The following FMN2 variants were observed in gnomAD, a reference collection of about 807,000 sequenced individuals.
FMN2 encodes formin-2.
A neutral mutation model predicts 142.3 loss-of-function variants in FMN2; 51 were observed. That is an observed-to-expected ratio of 0.36 (90% CI 0.29 to 0.45). FMN2 has a LOEUF of 0.45. Ranked by LOEUF, FMN2 falls within the 20% of genes least tolerant of loss-of-function variation. The pLI is 1.00. For synonymous variants in FMN2, 882 were observed against 869.8 expected (o/e 1.01, Z -0.25); for missense variants, 1,936 against 2,122.8 (o/e 0.91, Z 1.73).
chr1:240,201,246 C>T (rs1472076767), intron 4 of FMN2, among the ~76,000 whole-genome samples: 2 of 152,194 alleles, frequency 1.3e-5, no homozygotes, highest in Non-Finnish European at 2.9e-5. Context: ...TTATTATCCA[C>T]CATCCTTTAG....
intron 6 of FMN2, among the ~76,000 whole-genome samples, chr1:240,244,017 T>C (rs1385689809): frequency 2.6e-5 from 4 of 152,216 alleles, no homozygotes; most frequent in Non-Finnish European, 5.9e-5. Context: ...TCTAATGTCG[T>C]TTGAGAAACA....
In FMN2 at chr1:240,222,405, G is replaced by A. The variant is rs1439376583; in HGVS notation, c.4065+11170G>A. ...TTGGTTACTGTAGCCTTGTAGTAGA[G>A]TTTGAAGTCAGGTGGTGTGATGCTT... On this transcript the variant is annotated intron_variant, in intron 6 of 17. Coordinates refer to ENST00000319653, the MANE Select transcript of FMN2 (RefSeq NM_020066.5). Among the ~76,000 whole-genome samples the A allele has an allele frequency of 2.0e-5, 3 of 152,198 alleles. No individual in the cohort carries two copies. The East Asian group carries it at 5.8e-4, about 29-fold the overall frequency.
intron 4 of FMN2, among the ~76,000 whole-genome samples, chr1:240,193,752 A>C (rs1248295198): frequency 6.6e-6 from 1 of 152,214 alleles, no homozygotes; most frequent in Non-Finnish European, 1.5e-5. Flanking sequence ...GGATTACTGC[A>C]GTATTCTCCC....
At chr1:240,302,963 A>G (rs2102975565) in intron 8 of FMN2, among the ~76,000 whole-genome samples, 1 of 152,216 alleles carries the variant, frequency 6.6e-6, no homozygotes, top group African/African-American at 2.4e-5. Flanking sequence ...ATAGGGTTAT[A>G]TTACCATTAT....
chr1:240,455,311 C>T (rs1676202906), intron 16 of FMN2, among the ~76,000 whole-genome samples: 1 of 152,074 alleles, frequency 6.6e-6, no homozygotes, highest in East Asian at 1.9e-4. Context: ...CTAGGAGTTC[C>T]AGACCAGCCT....
intron 15 of FMN2, among the ~76,000 whole-genome samples, chr1:240,406,035 G>GGAGTGGGGGAAGCGAAGGGAATCAGCC (rs1674149395): frequency 4.4e-5 from 2 of 45,566 alleles, no homozygotes; most frequent in South Asian, 8.0e-4. Flanking sequence ...GGGAAGCAGC[G>GGAGTGGGGGAAGCGAAGGGAATCAGCC]TCAGGAGTCG....
At chr1:240,378,087 A>G (rs562815820) in intron 14 of FMN2, among the ~76,000 whole-genome samples, 122 of 151,268 alleles carry the variant, frequency 8.1e-4, no homozygotes, top group African/African-American at 2.9e-3. Flanking sequence ...TTTTATTATG[A>G]TGTGCATTGG....
At position 240,357,695 on chromosome 1, in the gene FMN2, C is replaced by T. The variant is rs921606663; in HGVS notation, c.4858+1787C>T. Among the ~76,000 whole-genome samples, 13 of 151,596 alleles carry T rather than the reference C, an allele frequency of 8.6e-5. No homozygotes were observed. In the South Asian group the frequency reaches 1.2e-3, roughly 15 times the overall value. On this transcript the variant is annotated intron_variant, in intron 14 of 17. Coordinates refer to ENST00000319653, the MANE Select transcript of FMN2 (RefSeq NM_020066.5). ...TGATCTCAGCTGGCTGCAACCTCCA[C>T]CTCCCAGGTTCAAGTGATTCTCCTG...
At chr1:240,413,370 G>A (rs1674479106) in intron 15 of FMN2, among the ~76,000 whole-genome samples, 1 of 151,864 alleles carries the variant, frequency 6.6e-6, no homozygotes, top group Non-Finnish European at 1.5e-5. Flanking sequence ...GTGGGTTAAA[G>A]GCTCATAGGA....
At chr1:240,202,272 G>A (rs1666154753) in intron 4 of FMN2, among the ~76,000 whole-genome samples, 1 of 152,132 alleles carries the variant, frequency 6.6e-6, no homozygotes, top group Non-Finnish European at 1.5e-5. Context: ...TGGGTATCAT[G>A]TGTAATGATG....
At chr1:240,307,698 CT>C (rs2102982472) in intron 8 of FMN2, among the ~76,000 whole-genome samples, 1 of 152,278 alleles carries the variant, frequency 6.6e-6, no homozygotes, top group South Asian at 2.1e-4. Context: ...GTTCTTTTTA[CT>C]TAGGATTGCC....
At chr1:240,325,469 G>A (rs931834597) in intron 8 of FMN2, among the ~76,000 whole-genome samples, 4 of 151,954 alleles carry the variant, frequency 2.6e-5, no homozygotes, top group Non-Finnish European at 5.9e-5. Flanking sequence ...AAATGCACAT[G>A]TGTATATATG....
At chr1:240,144,184 G>A in intron 2 of FMN2, 1 of 1,472,512 alleles carries the variant, frequency 6.8e-7, no homozygotes, top group South Asian at 1.1e-5. Context: ...TTCTTGTAAA[G>A]CCATTTGTTG....
At chr1:240,268,268 C>T (rs1448656387) in intron 7 of FMN2, among the ~76,000 whole-genome samples, 3 of 151,962 alleles carry the variant, frequency 2.0e-5, no homozygotes, top group African/African-American at 4.8e-5. Context: ...TTTATTTTTC[C>T]GTCAGTTTTC....
intron 2 of FMN2, among the ~76,000 whole-genome samples, chr1:240,157,025 C>A (rs1664051855): frequency 6.6e-6 from 1 of 152,084 alleles, no homozygotes; most frequent in Admixed American, 6.5e-5. Context: ...TTGCTGATAT[C>A]TAGAAAATGA....
intron 13 of FMN2, among the ~76,000 whole-genome samples, chr1:240,341,987 G>C (rs1411340220): frequency 6.6e-6 from 1 of 152,062 alleles, no homozygotes; most frequent in Non-Finnish European, 1.5e-5. Flanking sequence ...TACCACTCTG[G>C]GTTTCCAGTA....
intron 2 of FMN2, among the ~76,000 whole-genome samples, chr1:240,157,893 T>G (rs1422306814): frequency 6.6e-6 from 1 of 151,192 alleles, no homozygotes; most frequent in Non-Finnish European, 1.5e-5. Flanking sequence ...TCCTAGCACT[T>G]TAGGAGCCTG....
chr1:240,458,036 G>A (rs1378586010), intron 16 of FMN2: 2 of 152,264 alleles, frequency 1.3e-5, no homozygotes, highest in Non-Finnish European at 2.9e-5. Context: ...GATTAACTGG[G>A]AGCACAGGAA....
intron 14 of FMN2, among the ~76,000 whole-genome samples, chr1:240,372,976 G>GCCT (rs1337675977): frequency 6.6e-6 from 1 of 152,108 alleles, no homozygotes; most frequent in Non-Finnish European, 1.5e-5. Flanking sequence ...CATGAGGTCA[G>GCCT]GTATACGAGA....
Sources: allele counts gnomAD v4.1 joint callset (sites outside exome capture counted in the v4.1 genomes callset), GRCh38; gene constraint gnomAD v4.1.1; transcripts MANE v1.5; gene names NCBI Gene and HGNC (gene_info 2026-07-23, HGNC 2026-07-21).